PARPBP: variants seen among roughly 807,000 people sequenced by gnomAD.
PARPBP encodes PCNA-interacting partner.
PARPBP carries 52 observed loss-of-function variants against 50.0 expected under a neutral mutation model. The observed-to-expected ratio is 1.04, with a 90% CI of 0.83 to 1.31. The LOEUF is 1.31. PARPBP is among the 50% of genes most tolerant of loss of function. The pLI is 0.00. For missense variants in PARPBP, 697 were observed against 672.0 expected, an observed-to-expected ratio of 1.04 and a Z score of -0.41; for synonymous variants, 244 against 232.1, an observed-to-expected ratio of 1.05 and a Z score of -0.47.
intron 6 of PARPBP, among the ~76,000 whole-genome samples, chr12:102,172,003 CTTTA>C (rs896091908): frequency 6.6e-5 from 10 of 152,034 alleles, no homozygotes; most frequent in African/African-American, 1.2e-4. Flanking sequence ...AAAGCAGTCA[CTTTA>C]TTTAGGAAAG....
chr12:102,178,693 C>G lies in PARPBP; in HGVS notation c.1107C>G (p.Thr369=). The G allele has an allele frequency of 1.2e-6, 2 of 1,613,442 alleles. No homozygotes were observed. The highest frequency in any genetic ancestry group is 1.7e-6 in the Non-Finnish European group (2 of 1,179,590). Residue 369 remains threonine (T), a synonymous_variant, in exon 8 of 11, where the codon ACC becomes ACG. Transcript: ENST00000327680. ...ACGAAGAAGCAGCTAATGCTCCTAC[C>G]AAAAACAAAGCAGAGCTTTTATATG... ...LLDEEAANAP[T]KNKAELLYDE...
intron 9 of PARPBP, among the ~76,000 whole-genome samples, chr12:102,190,138 A>G (rs925268445): frequency 9.2e-5 from 14 of 152,130 alleles, no homozygotes; most frequent in African/African-American, 3.4e-4. Flanking sequence ...TACATGTGGT[A>G]TTTTGATACA....
At chr12:102,147,632 G>T (rs1024810337) in intron 2 of PARPBP, among the ~76,000 whole-genome samples, 5 of 151,932 alleles carry the variant, frequency 3.3e-5, no homozygotes, top group African/African-American at 9.7e-5. Flanking sequence ...GAGTTAATGG[G>T]TGCGGCGCAC....
At chr12:102,185,393 A>G (rs147871352) in intron 9 of PARPBP, among the ~76,000 whole-genome samples, 93 of 152,310 alleles carry the variant, frequency 6.1e-4, no homozygotes, top group Non-Finnish European at 1.2e-3. Flanking sequence ...CTTTGTCATG[A>G]TGAATGATCT....
At chr12:102,146,080 G>T (rs1358621432) in intron 2 of PARPBP, among the ~76,000 whole-genome samples, 3 of 152,132 alleles carry the variant, frequency 2.0e-5, no homozygotes, top group African/African-American at 7.2e-5. Context: ...ACAAAGAAAT[G>T]GAAGAACATT....
At chr12:102,140,424 CA>C (rs1357879915) in intron 2 of PARPBP, among the ~76,000 whole-genome samples, 1 of 151,956 alleles carries the variant, frequency 6.6e-6, no homozygotes, top group Admixed American at 6.6e-5. Flanking sequence ...TTGATCCTTT[CA>C]AAAAAACAGC....
chr12:102,178,474 A>G, intron 7 of PARPBP, 118 bp from the exon 8 acceptor site: 1 of 537,122 alleles, frequency 1.9e-6, no homozygotes, highest in Non-Finnish European at 3.1e-6. Context: ...CTTATAGCTG[A>G]TGTTTTATTA....
chr12:102,139,187 T>C (rs962005158), intron 2 of PARPBP, among the ~76,000 whole-genome samples: 9 of 152,226 alleles, frequency 5.9e-5, no homozygotes, highest in Non-Finnish European at 1.0e-4. Context: ...GTAGTTCTCC[T>C]TGAAGAGGTC....
rs148027107 is a variant in PARPBP at position 102,157,073 on chromosome 12, A to G, written c.495+3097A>G. On this transcript the variant is annotated intron_variant, in intron 4 of 10. Transcript: ENST00000327680. ...AAACATTGCTGAGGTAGATTCTTCT[A>G]TATGTCCCATGTTAAATAGATTGCA... Among the ~76,000 whole-genome samples, 4 of 152,336 alleles carry G rather than the reference A, an allele frequency of 2.6e-5. No homozygotes were observed. In the East Asian group the frequency reaches 7.7e-4, roughly 29 times the overall value.
chr12:102,192,836 A>G (rs996392461), intron 9 of PARPBP, among the ~76,000 whole-genome samples: 9 of 152,136 alleles, frequency 5.9e-5, no homozygotes, highest in South Asian at 4.1e-4. Context: ...TTGGAACTTA[A>G]TAAGTGGTAA....
chr12:102,132,144 G>A (rs919924063), intron 2 of PARPBP, among the ~76,000 whole-genome samples: 1 of 151,910 alleles, frequency 6.6e-6, no homozygotes, highest in Non-Finnish European at 1.5e-5. Context: ...GGTGGAGGTT[G>A]CAGTAAGCTG....
At chr12:102,122,739 A>G (rs1881353099) in intron 1 of PARPBP, among the ~76,000 whole-genome samples, 1 of 152,354 alleles carries the variant, frequency 6.6e-6, no homozygotes, top group South Asian at 2.1e-4. Flanking sequence ...AGTTAGACAT[A>G]TTAAGTTTAT....
Position 102,153,866 on chromosome 12 carries a change from CAG to C in PARPBP, c.388_389del. On this transcript the variant is annotated splice_acceptor_variant, in intron 3 of 10. Coordinates refer to ENST00000327680, the MANE Select transcript of PARPBP (RefSeq NM_017915.5). LOFTEE classifies it high-confidence loss of function. Reference sequence around the variant, plus strand: ...TATTAGTAATACTCTATGTTTTCTACAGAGTCAACTACTGGATTTTCTGTCTG... The same window carrying C: ...TATTAGTAATACTCTATGTTTTCTACAGTCAACTACTGGATTTTCTGTCTG... 1 of 1,525,948 alleles carries C rather than the reference CAG, an allele frequency of 6.6e-7. No homozygotes were observed. The highest frequency in any genetic ancestry group is 2.3e-5 in the East Asian group (1 of 44,426). The allele number at this position is 1,525,948 out of a possible 1,614,324, so 94.5% of individuals were successfully genotyped here.
intron 4 of PARPBP, among the ~76,000 whole-genome samples, chr12:102,163,079 C>T (rs971537688): frequency 1.3e-5 from 2 of 152,126 alleles, no homozygotes; most frequent in African/African-American, 4.8e-5. Flanking sequence ...TATGGATGAC[C>T]AATTGCTCCA....
At position 102,174,397 on chromosome 12, in the gene PARPBP, A is replaced by G. The variant is rs73384874; in HGVS notation, c.822-1086A>G. On this transcript the variant is annotated intron_variant, in intron 6 of 10. Coordinates refer to ENST00000327680, the MANE Select transcript of PARPBP (RefSeq NM_017915.5). Reference sequence around the variant, plus strand: ...CTGGACCAGCTACTTAAATGTGGACATTCATCTCTTTCTAGCTTGTTAGGG... The same window carrying G: ...CTGGACCAGCTACTTAAATGTGGACGTTCATCTCTTTCTAGCTTGTTAGGG... 3.4e-3 allele frequency among the ~76,000 whole-genome samples: 514 copies of G among 152,358 alleles called. 2 individuals carry two copies. The highest frequency in any genetic ancestry group is 0.012 in the African/African-American group (479 of 41,580).
At chr12:102,189,386 G>C (rs1257838428) in intron 9 of PARPBP, among the ~76,000 whole-genome samples, 1 of 152,228 alleles carries the variant, frequency 6.6e-6, no homozygotes, top group African/African-American at 2.4e-5. Flanking sequence ...GAAATGATCT[G>C]TGTTTGTACT....
At chr12:102,171,703 A>G (rs1418698843) in intron 6 of PARPBP, among the ~76,000 whole-genome samples, 5 of 151,950 alleles carry the variant, frequency 3.3e-5, no homozygotes. Flanking sequence ...CGTCTCTACT[A>G]AAAATACAAA....
intron 7 of PARPBP, among the ~76,000 whole-genome samples, chr12:102,177,038 C>T (rs1466411995): frequency 2.0e-5 from 3 of 152,132 alleles, no homozygotes; most frequent in Non-Finnish European, 4.4e-5. Context: ...ATGTTTTCAA[C>T]CAAATCAGAG....
intron 8 of PARPBP, 125 bp from the exon 9 acceptor site, chr12:102,182,424 G>T (rs1889913433): frequency 4.6e-6 from 3 of 646,400 alleles, no homozygotes; most frequent in Non-Finnish European, 8.2e-6. Context: ...TATCTGGGAG[G>T]TAACCCCATC....
Sources: gnomAD v4.1 joint callset for allele counts (sites outside exome capture counted in the v4.1 genomes callset) on GRCh38, gnomAD v4.1.1 for gene constraint, MANE v1.5 for transcripts, NCBI Gene and HGNC (gene_info 2026-07-23, HGNC 2026-07-21) for gene names.